ST8SIA4: variants seen among roughly 807,000 people sequenced by gnomAD.
ST8SIA4 encodes the protein ST8 alpha-N-acetyl-neuraminide alpha-2,8-sialyltransferase 4.
In ST8SIA4, 15 loss-of-function variants were observed where a neutral mutation model predicts 33.9. The ratio of observed to expected loss-of-function variants is 0.44; its 90% CI spans 0.30 to 0.68. ST8SIA4 has a LOEUF of 0.68. ST8SIA4 is among the 30% of genes least tolerant of loss of function. The probability of loss-of-function intolerance (pLI) is 0.10; values close to 1 mark genes in which losing one functional copy is unlikely to be tolerated. For missense variants in ST8SIA4, 321 were observed against 428.0 expected (o/e 0.75, Z 2.21); for synonymous variants, 171 against 151.2 (o/e 1.13, Z -0.96).
Position 100,878,815 on chromosome 5 carries a change from G to A in ST8SIA4, c.503+7528C>T, listed in dbSNP as rs558225982. On this transcript the variant is annotated intron_variant, in intron 3 of 4. Coordinates refer to ENST00000231461, the MANE Select transcript of ST8SIA4 (RefSeq NM_005668.6). ...TTTCTGTAGATATTGTTTCTAAAAT[G>A]TAGATACTTTCTAAAGTGTTCATTA... Among the ~76,000 whole-genome samples the A allele has an allele frequency of 3.6e-3, 555 of 152,256 alleles. 1 individual carries two copies. The highest frequency in any genetic ancestry group is 0.012 in the African/African-American group (505 of 41,558).
chr5:100,897,579 C>G (rs908655052), intron 1 of ST8SIA4, among the ~76,000 whole-genome samples: 4 of 152,090 alleles, frequency 2.6e-5, no homozygotes, highest in African/African-American at 9.7e-5. Flanking sequence ...GCAATCCTCT[C>G]CTAGTATCAA....
At chr5:100,829,421 T>C (rs893358138) in intron 4 of ST8SIA4, among the ~76,000 whole-genome samples, 2 of 152,224 alleles carry the variant, frequency 1.3e-5, no homozygotes, top group Non-Finnish European at 2.9e-5. Context: ...AATGCTTTGA[T>C]AAATCTTTTC....
At position 100,864,317 on chromosome 5, in the gene ST8SIA4, G is replaced by C. The variant is rs1310916387; in HGVS notation, c.504-7921C>G. Among the ~76,000 whole-genome samples, 4 of 152,110 alleles carry C rather than the reference G, an allele frequency of 2.6e-5. No individual in the cohort carries two copies. In the East Asian group the frequency reaches 5.8e-4, roughly 22 times the overall value. ...GGGCCGGGTGCGGTGGCTCACGCCT[G>C]TAATCCCAGCACTTTGGGAGGCCGA... On this transcript the variant is annotated intron_variant, in intron 3 of 4. Transcript: ENST00000231461.
At chr5:100,881,729 T>C (rs927281569) in intron 3 of ST8SIA4, among the ~76,000 whole-genome samples, 1 of 152,120 alleles carries the variant, frequency 6.6e-6, no homozygotes. Flanking sequence ...AGGGCCCTGG[T>C]GGTAGAGAAT....
chr5:100,815,117 AT>A (rs1442696507), intron 4 of ST8SIA4, among the ~76,000 whole-genome samples: 2 of 152,000 alleles, frequency 1.3e-5, no homozygotes, highest in African/African-American at 4.8e-5. Flanking sequence ...AAAATTTTAC[AT>A]TCAAACAATA....
intron 2 of ST8SIA4, among the ~76,000 whole-genome samples, chr5:100,891,362 T>C (rs1401362834): frequency 6.6e-6 from 1 of 152,060 alleles, no homozygotes. Context: ...AAATGCCCAG[T>C]GTTTCATTAT....
intron 4 of ST8SIA4, among the ~76,000 whole-genome samples, chr5:100,852,266 T>A (rs1751720108): frequency 6.6e-6 from 1 of 151,620 alleles, no homozygotes; most frequent in African/African-American, 2.4e-5. Flanking sequence ...GGACTACAGG[T>A]GTGTGCCACC....
intron 3 of ST8SIA4, among the ~76,000 whole-genome samples, chr5:100,857,853 T>C (rs1288179520): frequency 6.6e-6 from 1 of 151,970 alleles, no homozygotes; most frequent in African/African-American, 2.4e-5. Context: ...GAGGGAAAAA[T>C]ATTAACACAA....
intron 4 of ST8SIA4, among the ~76,000 whole-genome samples, chr5:100,853,116 T>C (rs1216935374): frequency 6.6e-6 from 1 of 152,210 alleles, no homozygotes; most frequent in Non-Finnish European, 1.5e-5. Context: ...AAAGGAGATG[T>C]AAAACAGTTA....
At chr5:100,841,614 C>T (rs767703765) in intron 4 of ST8SIA4, among the ~76,000 whole-genome samples, 2 of 151,836 alleles carry the variant, frequency 1.3e-5, no homozygotes, top group Admixed American at 1.3e-4. Flanking sequence ...CAATAATTCA[C>T]TGCTTTTGTT....
In ST8SIA4 at chr5:100,895,643, A is replaced by G. The variant is rs779154263; in HGVS notation, c.245+11T>C. On this transcript the variant is annotated intron_variant, in intron 2 of 4. Coordinates refer to ENST00000231461, the MANE Select transcript of ST8SIA4 (RefSeq NM_005668.6). ...ATGTGAAATTTATTATGCCTTAGTA[A>G]AGAAACTCACCTTATCTCTAGGACC... The G allele has an allele frequency of 3.7e-6, 6 of 1,603,492 alleles. No homozygotes were observed. The South Asian group carries it at 6.8e-5, about 18-fold the overall frequency.
At chr5:100,837,475 TTA>T (rs1751386767) in intron 4 of ST8SIA4, among the ~76,000 whole-genome samples, 1 of 152,034 alleles carries the variant, frequency 6.6e-6, no homozygotes, top group Admixed American at 6.6e-5. Flanking sequence ...ATTTCATTTA[TTA>T]AGCCTGAATG....
Position 100,808,079 on chromosome 5 carries a change from C to G in ST8SIA4, c.*3768G>C, listed in dbSNP as rs1304655444. 6.6e-6 allele frequency: 1 copy of G among 152,458 alleles called. No homozygotes were observed. Among genetic ancestry groups the G allele is most frequent in the East Asian group, 1.9e-4 (1 of 5,194 alleles). The allele number at this position is 152,458 out of a possible 1,614,324, so 9.4% of individuals were successfully genotyped here. ...CCCCTTCCACAATTATATATACTCCCTACAATAACCACATGAAAACAACTC... is the reference window on the plus strand; with the variant it reads ...CCCCTTCCACAATTATATATACTCCGTACAATAACCACATGAAAACAACTC... On this transcript the variant is annotated 3_prime_UTR_variant, in exon 5 of 5. Coordinates refer to ENST00000231461, the MANE Select transcript of ST8SIA4 (RefSeq NM_005668.6).
intron 1 of ST8SIA4, among the ~76,000 whole-genome samples, chr5:100,900,010 T>G (rs1752866073): frequency 6.6e-6 from 1 of 152,198 alleles, no homozygotes; most frequent in African/African-American, 2.4e-5. Context: ...CCTTTGGAGA[T>G]ATGAGAATGT....
rs536084038 is a variant in ST8SIA4 at position 100,847,743 on chromosome 5, G to A, written c.797+8360C>T. ...TGAATACTACCCAGATGAGAAGTTA[G>A]CTAGATATGTCACTTGATATCCGTA... On this transcript the variant is annotated intron_variant, in intron 4 of 4. Transcript: ENST00000231461. Among the ~76,000 whole-genome samples, 20 of 152,138 alleles carry A rather than the reference G, an allele frequency of 1.3e-4. No individual in the cohort carries two copies. The South Asian group carries it at 3.3e-3, about 25-fold the overall frequency.
intron 3 of ST8SIA4, among the ~76,000 whole-genome samples, chr5:100,856,806 C>G (rs1228147016): frequency 2.0e-5 from 3 of 152,168 alleles, no homozygotes; most frequent in African/African-American, 2.4e-5. Context: ...ACTTGACATT[C>G]TAATCTGCAC....
chr5:100,867,122 C>A (rs1385408919), intron 3 of ST8SIA4, among the ~76,000 whole-genome samples: 1 of 151,704 alleles, frequency 6.6e-6, no homozygotes, highest in Non-Finnish European at 1.5e-5. Context: ...CTAGGTATAC[C>A]CTCAAAATTC....
At chr5:100,841,811 A>C (rs1468241061) in intron 4 of ST8SIA4, among the ~76,000 whole-genome samples, 1 of 151,826 alleles carries the variant, frequency 6.6e-6, no homozygotes, top group East Asian at 1.9e-4. Context: ...GTGAATCTCT[A>C]ATCAGTGACA....
intron 1 of ST8SIA4, among the ~76,000 whole-genome samples, chr5:100,898,632 A>C (rs1349749210): frequency 2.6e-5 from 4 of 152,188 alleles, no homozygotes; most frequent in Admixed American, 1.3e-4. Context: ...CTGAAGCTCT[A>C]GAGTAAATTT....
Sources: allele counts gnomAD v4.1 joint callset (sites outside exome capture counted in the v4.1 genomes callset), GRCh38; gene constraint gnomAD v4.1.1; transcripts MANE v1.5; gene names NCBI Gene and HGNC (gene_info 2026-07-23, HGNC 2026-07-21).